PRH1: variants seen among roughly 807,000 people sequenced by gnomAD.
PRH1 encodes the protein salivary acidic proline-rich phosphoprotein 1/2.
Under a neutral mutation model 7.9 loss-of-function variants are expected in PRH1, and 7 were observed. That is an observed-to-expected ratio of 0.89 (90% CI 0.50 to 1.67). The LOEUF is 1.67. Ranked by LOEUF, PRH1 falls within the 40% of genes most tolerant of loss-of-function variation. PRH1 has a pLI of 0.00. For missense variants in PRH1, 109 were observed against 223.6 expected (o/e 0.49, Z 3.27); for synonymous variants, 45 against 80.8 (o/e 0.56, Z 2.38).
At chr12:11,151,812 G>A (rs185465449) in intron 1 of PRH1, among the ~76,000 whole-genome samples, 175 of 152,144 alleles carry the variant, frequency 1.2e-3, no homozygotes, top group African/African-American at 4.0e-3. Flanking sequence ...TAAAGAGTGT[G>A]TTCACAACTA....
Position 11,047,067 on chromosome 12 carries a change from T to C in PRH1, c.-173A>G, listed in dbSNP as rs1355142326. ...ATTCCCCTCCACATCCAAACTAGCC[T>C]TCATGATGTGTTAAGTAAATGTTCT... On this transcript the variant is annotated 5_prime_UTR_variant, in exon 1 of 4. Coordinates refer to the PRH1 transcript ENST00000539853. 3 of 502,732 alleles carry C rather than the reference T, an allele frequency of 6.0e-6. No homozygotes were observed. In the Admixed American group the frequency reaches 6.3e-5, roughly 11 times the overall value. 31.1% of individuals were successfully genotyped at this position (502,732 alleles called of 1,614,324 possible). A position where few individuals can be genotyped will look rare whatever the true frequency, so the allele number is the denominator to read the frequency against.
intron 1 of PRH1, among the ~76,000 whole-genome samples, chr12:11,123,850 T>C (rs1387501791): frequency 6.6e-6 from 1 of 152,220 alleles, no homozygotes; most frequent in African/African-American, 2.4e-5. Flanking sequence ...GTTTTCTTGT[T>C]TTAGTGTTCA....
chr12:11,078,017 A>G lies in PRH1; in HGVS notation n.124-30829T>C. ...GCAACAGCTCCTACTTCTGAACTAT[A>G]TAAAGCTGAATTAAACACATTTGCA... On this transcript the variant is annotated intron_variant and non_coding_transcript_variant, in intron 1 of 4. Transcript: ENST00000541977. The G allele has an allele frequency of 4.2e-6, 3 of 714,136 alleles. No homozygotes were observed. The South Asian group carries it at 4.4e-5, about 10-fold the overall frequency. The allele number at this position is 714,136 out of a possible 1,614,324, so 44.2% of individuals were successfully genotyped here.
intron 1 of PRH1, among the ~76,000 whole-genome samples, chr12:11,011,787 A>T (rs1355001275): frequency 6.6e-6 from 1 of 152,158 alleles, no homozygotes; most frequent in African/African-American, 2.4e-5. Flanking sequence ...GGTTGCTGCT[A>T]ACTAATACTT....
At chr12:10,903,496 C>T (rs1271167713) in intron 2 of PRH1, among the ~76,000 whole-genome samples, 1 of 150,398 alleles carries the variant, frequency 6.6e-6, no homozygotes, top group Non-Finnish European at 1.5e-5. Flanking sequence ...TGAAAAAACG[C>T]TCAAATAATT....
chr12:10,963,525 G>A (rs558404225), intron 2 of PRH1, among the ~76,000 whole-genome samples: 1 of 152,174 alleles, frequency 6.6e-6, no homozygotes, highest in South Asian at 2.1e-4. Flanking sequence ...GGAGAGAATC[G>A]GCAATTTAGG....
At chr12:11,147,568 A>G (rs1008899181) in intron 1 of PRH1, among the ~76,000 whole-genome samples, 7 of 152,216 alleles carry the variant, frequency 4.6e-5, no homozygotes, top group Non-Finnish European at 1.0e-4. Context: ...TGTTATATGA[A>G]GAACCTTGTT....
At chr12:11,047,879 T>G (rs370778492), upstream of PRH1, among the ~76,000 whole-genome samples, 1 of 152,238 alleles carries the variant, frequency 6.6e-6, no homozygotes, top group Non-Finnish European at 1.5e-5. Context: ...GAATTGAATG[T>G]TTTTACCATC....
intron 1 of PRH1, among the ~76,000 whole-genome samples, chr12:11,008,336 A>C (rs1591803969): frequency 6.6e-6 from 1 of 152,186 alleles, no homozygotes; most frequent in South Asian, 2.1e-4. Context: ...ATTATAATGC[A>C]TACATAGAAA....
At chr12:10,966,030 C>T (rs1253037895) in intron 2 of PRH1, among the ~76,000 whole-genome samples, 1 of 152,144 alleles carries the variant, frequency 6.6e-6, no homozygotes, top group Non-Finnish European at 1.5e-5. Context: ...CACACACATA[C>T]ACATACCCAT....
intron 1 of PRH1, among the ~76,000 whole-genome samples, chr12:11,123,543 C>T (rs908301404): frequency 3.3e-5 from 5 of 152,288 alleles, no homozygotes; most frequent in African/African-American, 9.6e-5. Flanking sequence ...GAATTACACA[C>T]TTATTTTTCA....
intron 1 of PRH1, among the ~76,000 whole-genome samples, chr12:11,046,475 A>G (rs1238451787): frequency 2.0e-5 from 3 of 152,012 alleles, no homozygotes; most frequent in Non-Finnish European, 4.4e-5. Context: ...TGTTATGCCA[A>G]ACTCAGTCCT....
At position 11,044,920 on chromosome 12, in the gene PRH1, A is replaced by G. The variant is rs576236913; in HGVS notation, c.-126+2100T>C. Among the ~76,000 whole-genome samples the G allele has an allele frequency of 9.2e-5, 14 of 152,296 alleles. 1 individual carries two copies. The South Asian group carries it at 2.9e-3, about 32-fold the overall frequency. Reference sequence around the variant, plus strand: ...AAAGTTTTCTTAAAAGACAAAAATTAGAGCTACCATATGTTCCACCAATCT... The same window carrying G: ...AAAGTTTTCTTAAAAGACAAAAATTGGAGCTACCATATGTTCCACCAATCT... On this transcript the variant is annotated intron_variant, in intron 1 of 3. Transcript: ENST00000539853.
chr12:10,965,118 C>G, intron 2 of PRH1: 1 of 1,388,770 alleles, frequency 7.2e-7, no homozygotes. Flanking sequence ...ATTCTTACTC[C>G]TAAACTATAT....
chr12:11,000,054 G>A (rs1449407657), intron 1 of PRH1, among the ~76,000 whole-genome samples: 1 of 151,980 alleles, frequency 6.6e-6, no homozygotes, highest in East Asian at 1.9e-4. Flanking sequence ...CATATCATTT[G>A]ATGCAATTCC....
intron 1 of PRH1, chr12:11,171,190 C>G: frequency 2.4e-6 from 1 of 408,834 alleles, no homozygotes. Context: ...CCAGCGGCGC[C>G]CGGGGCTACG....
chr12:11,156,680 G>A lies in PRH1; in HGVS notation n.39+14742C>T, dbSNP rs558569397. On this transcript the variant is annotated intron_variant and non_coding_transcript_variant, in intron 1 of 1. Coordinates refer to the PRH1 transcript ENST00000541175. ...AATTTTTTCAGTCATTATTTTGGTGGTAGAAAGAAACTTTCACTCTATTTC... is the reference window on the plus strand; with the variant it reads ...AATTTTTTCAGTCATTATTTTGGTGATAGAAAGAAACTTTCACTCTATTTC... 6.6e-5 allele frequency among the ~76,000 whole-genome samples: 10 copies of A among 151,904 alleles called. No homozygotes were observed. The East Asian group carries it at 1.9e-3, about 29-fold the overall frequency.
chr12:10,970,768 T>A (rs1176598592), intron 2 of PRH1, among the ~76,000 whole-genome samples: 2 of 151,952 alleles, frequency 1.3e-5, no homozygotes, highest in African/African-American at 4.8e-5. Context: ...GCTTTCACCA[T>A]GTTGGCCAGG....
chr12:11,022,501 T>A, intron 1 of PRH1: 1 of 1,613,766 alleles, frequency 6.2e-7, no homozygotes. Flanking sequence ...TATGAAGCCA[T>A]TGGCAACATT....
Sources: gnomAD v4.1 joint callset for allele counts (sites outside exome capture counted in the v4.1 genomes callset) on GRCh38, gnomAD v4.1.1 for gene constraint, MANE v1.5 for transcripts, NCBI Gene and HGNC (gene_info 2026-07-23, HGNC 2026-07-21) for gene names.